The following DTNB variants were observed in gnomAD, a reference collection of about 807,000 sequenced individuals.
DTNB encodes the protein dystrobrevin beta, also known as DTN-B.
DTNB carries 63 observed loss-of-function variants against 90.7 expected under a neutral mutation model. The ratio of observed to expected loss-of-function variants is 0.69; its 90% confidence interval spans 0.57 to 0.86. The LOEUF is 0.86. Among genes scored for constraint, DTNB ranks in the 40% least tolerant of loss-of-function variants. The pLI is 0.00. For missense variants in DTNB, 744 were observed against 807.1 expected, an observed-to-expected ratio of 0.92 and a Z score of 0.95; for synonymous variants, 277 against 286.7, an observed-to-expected ratio of 0.97 and a Z score of 0.34.
intron 8 of DTNB, among the ~76,000 whole-genome samples, chr2:25,537,910 A>C (rs2080200722): frequency 6.6e-6 from 1 of 152,192 alleles, no homozygotes; most frequent in Non-Finnish European, 1.5e-5. Flanking sequence ...GATGCTCTTT[A>C]AGGTCTCTGT....
At chr2:25,652,564 C>T (rs2081160059) in intron 2 of DTNB, 30 bp downstream of exon 2, 5 of 1,578,676 alleles carry the variant, frequency 3.2e-6, no homozygotes, top group African/African-American at 1.4e-5. Context: ...CAAACATTCC[C>T]GCACATATGA....
chr2:25,389,846 T>TTGTGTGTGTGTGTGTGTG (rs68107964), intron 16 of DTNB, among the ~76,000 whole-genome samples: 1 of 96,006 alleles, frequency 1.0e-5, no homozygotes, highest in Non-Finnish European at 2.1e-5. Context: ...TTTGAATCAT[T>TTGTGTGTGTGTGTGTGTG]TGTGTGTGTG....
intron 12 of DTNB, among the ~76,000 whole-genome samples, chr2:25,451,123 GTTCTACTAGTGTTTTTTTAGATTTC>G (rs1374358760): frequency 6.6e-6 from 1 of 152,112 alleles, no homozygotes; most frequent in Non-Finnish European, 1.5e-5. Flanking sequence ...TTACTTATCT[GTTCTACTAGTGTTTTTTTAGATTTC>G]TTAGGACTTC....
intron 16 of DTNB, among the ~76,000 whole-genome samples, chr2:25,410,416 G>A (rs914420022): frequency 2.6e-5 from 4 of 152,100 alleles, no homozygotes; most frequent in African/African-American, 7.2e-5. Context: ...GGAGTTTTGG[G>A]GGAGTGAAAT....
intron 16 of DTNB, among the ~76,000 whole-genome samples, chr2:25,408,630 T>C (rs774258054): frequency 3.9e-5 from 6 of 152,140 alleles, no homozygotes; most frequent in Non-Finnish European, 7.4e-5. Flanking sequence ...ACTTTTCTTT[T>C]TTTAAACATC....
chr2:25,410,248 AG>A (rs1407385585), intron 16 of DTNB, among the ~76,000 whole-genome samples: 1 of 152,132 alleles, frequency 6.6e-6, no homozygotes, highest in Non-Finnish European at 1.5e-5. Flanking sequence ...TGGTCAGGAG[AG>A]GAAAAGACAG....
At chr2:25,629,742 C>T (rs930151144) in intron 3 of DTNB, among the ~76,000 whole-genome samples, 7 of 152,078 alleles carry the variant, frequency 4.6e-5, no homozygotes, top group African/African-American at 9.7e-5. Context: ...AAACTAAAAA[C>T]AGAAGAAAAC....
chr2:25,438,535 T>A (rs957471906), intron 12 of DTNB, among the ~76,000 whole-genome samples: 1 of 152,124 alleles, frequency 6.6e-6, no homozygotes, highest in African/African-American at 2.4e-5. Context: ...AATATGAAAT[T>A]TGATTATATG....
intron 10 of DTNB, among the ~76,000 whole-genome samples, chr2:25,458,984 G>C (rs1464776823): frequency 6.6e-6 from 1 of 150,738 alleles, no homozygotes; most frequent in East Asian, 1.9e-4. Context: ...GTCTCACTTT[G>C]TTGCCCAGGC....
intron 7 of DTNB, among the ~76,000 whole-genome samples, chr2:25,577,381 G>A (rs539961885): frequency 8.5e-5 from 13 of 152,286 alleles, no homozygotes; most frequent in Admixed American, 8.5e-4. Context: ...AGGCTGCAGT[G>A]AGTGGAGATC....
intron 8 of DTNB, among the ~76,000 whole-genome samples, chr2:25,537,840 A>C (rs540842465): frequency 4.6e-5 from 7 of 152,354 alleles, no homozygotes; most frequent in Non-Finnish European, 1.0e-4. Context: ...GGACAGAAGA[A>C]GAACACTACA....
intron 6 of DTNB, among the ~76,000 whole-genome samples, chr2:25,590,278 T>C (rs1291563972): frequency 6.6e-5 from 10 of 152,236 alleles, no homozygotes; most frequent in Admixed American, 6.5e-4. Context: ...GTTTACGTTA[T>C]AGCTCTTTTA....
At chr2:25,498,066 G>C (rs1308772722) in intron 9 of DTNB, among the ~76,000 whole-genome samples, 2 of 152,062 alleles carry the variant, frequency 1.3e-5, no homozygotes, top group Non-Finnish European at 2.9e-5. Flanking sequence ...CACAGCCTCA[G>C]TCTCCCAGGG....
chr2:25,499,635 T>C (rs1474653001), intron 9 of DTNB, among the ~76,000 whole-genome samples: 1 of 152,246 alleles, frequency 6.6e-6, no homozygotes, highest in East Asian at 1.9e-4. Flanking sequence ...TATTCTCTCA[T>C]AGTATCCTCT....
In DTNB at chr2:25,455,483, C is replaced by G; in HGVS notation, c.1091G>C (p.Ser364Thr). ...GGCCAAGTGACTGGGTATATCCTGG[C>G]TATACTGTAACCTAGGAACAATGGA... ...VPTPTKRLQY[S>T]QDIPSHLADE... The change falls in exon 11 of 21, where the codon AGC becomes ACC. Residue 364 changes from serine to threonine, a missense_variant. Transcript: ENST00000406818. The G allele has an allele frequency of 1.9e-6, 3 of 1,605,478 alleles. No individual in the cohort carries two copies. The highest frequency in any genetic ancestry group is 1.7e-5 in the Admixed American group (1 of 58,774).
intron 15 of DTNB, among the ~76,000 whole-genome samples, chr2:25,420,755 T>C (rs964816428): frequency 6.6e-6 from 1 of 152,160 alleles, no homozygotes; most frequent in Non-Finnish European, 1.5e-5. Context: ...AGTGTTGGGA[T>C]TACAGGTGTG....
intron 10 of DTNB, among the ~76,000 whole-genome samples, chr2:25,464,478 A>C (rs2061471523): frequency 6.6e-6 from 1 of 152,232 alleles, no homozygotes; most frequent in Non-Finnish European, 1.5e-5. Flanking sequence ...CCAAAGCATA[A>C]AATAAACATC....
intron 8 of DTNB, among the ~76,000 whole-genome samples, chr2:25,574,142 A>G (rs914751921): frequency 6.6e-6 from 1 of 152,344 alleles, no homozygotes; most frequent in South Asian, 2.1e-4. Flanking sequence ...TAGTCTAGAC[A>G]TGTGCCAACA....
intron 1 of DTNB, among the ~76,000 whole-genome samples, chr2:25,665,343 G>A (rs967399618): frequency 5.9e-5 from 9 of 152,144 alleles, no homozygotes; most frequent in Admixed American, 4.6e-4. Context: ...AAGTCAGTGA[G>A]GGGCCAGGCG....
Sources: gnomAD v4.1 joint callset for allele counts (sites outside exome capture counted in the v4.1 genomes callset) on GRCh38, gnomAD v4.1.1 for gene constraint, MANE v1.5 for transcripts, NCBI Gene and HGNC (gene_info 2026-07-23, HGNC 2026-07-21) for gene names.